ROBO2: variants seen among roughly 807,000 people sequenced by gnomAD.
The protein encoded by ROBO2 is roundabout guidance receptor 2, also known as roundabout homolog 2.
ROBO2 carries 53 observed loss-of-function variants against 160.8 expected under a neutral mutation model. That is an observed-to-expected ratio of 0.33 (90% CI 0.26 to 0.41). The LOEUF (loss-of-function observed/expected upper bound fraction) is 0.41, where lower values mean the gene tolerates loss of function less well. Among genes scored for constraint, ROBO2 ranks in the 10% least tolerant of loss-of-function variants. The probability of loss-of-function intolerance (pLI) is 1.00; values close to 1 mark genes in which losing one functional copy is unlikely to be tolerated. For missense variants in ROBO2, 1,577 were observed against 1,722.4 expected, an observed-to-expected ratio of 0.92 and a Z score of 1.49; for synonymous variants, 664 against 611.7, an observed-to-expected ratio of 1.09 and a Z score of -1.26.
chr3:76,883,308 T>TA (rs1433087272), intron 2 of ROBO2, among the ~76,000 whole-genome samples: 1 of 152,152 alleles, frequency 6.6e-6, no homozygotes, highest in African/African-American at 2.4e-5. Context: ...CATCAGCATG[T>TA]AAAAAATCTT....
chr3:77,237,411 T>TG (rs1553862752), intron 2 of ROBO2, among the ~76,000 whole-genome samples: 6 of 131,046 alleles, frequency 4.6e-5, no homozygotes, highest in African/African-American at 1.7e-4. Flanking sequence ...TTGTTTTGTT[T>TG]TGTGTGTGTG....
At chr3:76,378,804 A>C (rs2076476638) in intron 2 of ROBO2, among the ~76,000 whole-genome samples, 1 of 152,178 alleles carries the variant, frequency 6.6e-6, no homozygotes, top group African/African-American at 2.4e-5. Flanking sequence ...TAGAGACAGA[A>C]TATGGAAATG....
At chr3:77,283,245 C>G (rs1222124701) in intron 2 of ROBO2, among the ~76,000 whole-genome samples, 1 of 152,036 alleles carries the variant, frequency 6.6e-6, no homozygotes, top group African/African-American at 2.4e-5. Context: ...GATGATAACC[C>G]CTTTTCACCA....
intron 2 of ROBO2, among the ~76,000 whole-genome samples, chr3:76,392,391 C>T (rs1576887445): frequency 6.6e-6 from 1 of 151,996 alleles, no homozygotes; most frequent in Non-Finnish European, 1.5e-5. Flanking sequence ...AGTTCAGATA[C>T]CTGTACAAAT....
chr3:76,309,164 G>T (rs574628721), intron 2 of ROBO2, among the ~76,000 whole-genome samples: 1 of 152,078 alleles, frequency 6.6e-6, no homozygotes, highest in African/African-American at 2.4e-5. Context: ...TGGTGGTGAG[G>T]GAGTTGGTCA....
intron 2 of ROBO2, chr3:77,317,542 A>G (rs551092485): frequency 2.1e-6 from 3 of 1,397,638 alleles, no homozygotes; most frequent in South Asian, 1.2e-5. Context: ...AAGCCAATCC[A>G]TAGCCCTTGG....
chr3:76,847,553 G>A (rs1324413995), intron 2 of ROBO2, among the ~76,000 whole-genome samples: 3 of 152,092 alleles, frequency 2.0e-5, no homozygotes, highest in Non-Finnish European at 4.4e-5. Flanking sequence ...AAGAAACCTA[G>A]TAGTGAACAT....
At chr3:77,448,043 C>G (rs756273654) in intron 2 of ROBO2, among the ~76,000 whole-genome samples, 24 of 152,062 alleles carry the variant, frequency 1.6e-4, no homozygotes, top group Non-Finnish European at 2.6e-4. Context: ...GTCCCTATAC[C>G]TACAGTTTTT....
intron 15 of ROBO2, 80 bp from the exon 17 acceptor site, chr3:77,579,867 A>G: frequency 1.5e-6 from 2 of 1,298,302 alleles, no homozygotes; most frequent in Non-Finnish European, 2.2e-6. Context: ...TGATTAAAAA[A>G]TATTTGATCA....
intron 2 of ROBO2, among the ~76,000 whole-genome samples, chr3:75,966,494 T>C (rs1469212371): frequency 1.3e-5 from 2 of 151,722 alleles, no homozygotes; most frequent in Non-Finnish European, 2.9e-5. Flanking sequence ...TAGTTGGATA[T>C]AGTGGTTGTA....
intron 2 of ROBO2, among the ~76,000 whole-genome samples, chr3:77,432,454 T>A: frequency 6.6e-6 from 1 of 152,182 alleles, no homozygotes; most frequent in East Asian, 1.9e-4. Flanking sequence ...CTACAAAATC[T>A]GATTTAGCAA....
chr3:76,305,162 G>A (rs2071274900), intron 2 of ROBO2, among the ~76,000 whole-genome samples: 1 of 151,924 alleles, frequency 6.6e-6, no homozygotes, highest in Non-Finnish European at 1.5e-5. Flanking sequence ...GCTGAGGACA[G>A]AGGATCACCT....
chr3:76,690,104 A>G (rs563305716), intron 2 of ROBO2, among the ~76,000 whole-genome samples: 2 of 152,252 alleles, frequency 1.3e-5, no homozygotes, highest in East Asian at 3.9e-4. Context: ...AGAATCAAAA[A>G]TGTCTGGCAG....
At chr3:76,628,312 C>T (rs566187014) in intron 2 of ROBO2, among the ~76,000 whole-genome samples, 22 of 152,038 alleles carry the variant, frequency 1.4e-4, no homozygotes, top group South Asian at 2.1e-4. Flanking sequence ...TACAGTGGCA[C>T]GATCACAGCT....
intron 2 of ROBO2, among the ~76,000 whole-genome samples, chr3:76,470,683 T>C (rs2078609743): frequency 1.3e-5 from 2 of 152,140 alleles, no homozygotes; most frequent in African/African-American, 2.4e-5. Context: ...TTTCTTTGGT[T>C]AAAAGTGAAC....
chr3:77,049,001 A>T (rs1343000091), intron 1 of ROBO2, among the ~76,000 whole-genome samples: 1 of 152,132 alleles, frequency 6.6e-6, no homozygotes, highest in Admixed American at 6.6e-5. Flanking sequence ...ATGTTCCAAC[A>T]TTTATTGTTA....
chr3:76,495,637 T>A (rs1195397436), intron 2 of ROBO2, among the ~76,000 whole-genome samples: 1 of 152,116 alleles, frequency 6.6e-6, no homozygotes, highest in East Asian at 1.9e-4. Context: ...TTTTAAAGCA[T>A]CCTTAAGCAT....
chr3:77,335,721 C>G (rs537426043), intron 2 of ROBO2, among the ~76,000 whole-genome samples: 98 of 151,812 alleles, frequency 6.5e-4, no homozygotes, highest in Non-Finnish European at 1.2e-3. Flanking sequence ...GAGTAGCCAT[C>G]AAGAAAAAGG....
intron 2 of ROBO2, among the ~76,000 whole-genome samples, chr3:76,170,332 A>G (rs949662665): frequency 6.6e-6 from 1 of 152,176 alleles, no homozygotes; most frequent in African/African-American, 2.4e-5. Context: ...CCTTTAAAAT[A>G]GTTGAATTAA....
Sources: allele counts gnomAD v4.1 joint callset (sites outside exome capture counted in the v4.1 genomes callset), GRCh38; gene constraint gnomAD v4.1.1; transcripts MANE v1.5; gene names NCBI Gene and HGNC (gene_info 2026-07-23, HGNC 2026-07-21).